The following RBM47 variants were observed in gnomAD, a reference collection of about 807,000 sequenced individuals.
RBM47 encodes RNA binding motif protein 47, also known as RNA-binding protein 47.
A neutral mutation model predicts 47.1 loss-of-function variants in RBM47; 21 were observed. The ratio of observed to expected loss-of-function variants is 0.45; its 90% CI spans 0.32 to 0.64. The LOEUF (loss-of-function observed/expected upper bound fraction) is 0.64. Ranked by LOEUF, RBM47 falls within the 30% of genes least tolerant of loss-of-function variation. RBM47 has a pLI of 0.05. For missense variants in RBM47, 708 were observed against 870.9 expected, an observed-to-expected ratio of 0.81 and a Z score of 2.35; for synonymous variants, 375 against 361.7, an observed-to-expected ratio of 1.04 and a Z score of -0.42.
rs554142761 is a variant in RBM47 at position 40,593,646 on chromosome 4, T to C, written c.-240+35750A>G. ...CTGTAATCCCAGCACTTTGGGAGGC[T>C]GAGGCGGGTGGATCACGAGGTCAGG... On this transcript the variant is annotated intron_variant, in intron 1 of 6. Coordinates refer to ENST00000295971, the MANE Select transcript of RBM47 (RefSeq NM_001098634.2). Among the ~76,000 whole-genome samples the C allele has an allele frequency of 1.9e-3, 294 of 152,032 alleles. 2 individuals carry two copies. Among genetic ancestry groups the C allele is most frequent in the African/African-American group, 6.7e-3 (279 of 41,520 alleles).
chr4:40,444,620 CT>C (rs1714218455), intron 3 of RBM47, among the ~76,000 whole-genome samples: 1 of 151,616 alleles, frequency 6.6e-6, no homozygotes, highest in South Asian at 2.1e-4. Flanking sequence ...AATAGTTTTC[CT>C]ATGCTGAATG....
At position 40,540,760 on chromosome 4, in the gene RBM47, T is replaced by G. The variant is rs971972233; in HGVS notation, c.-155+3662A>C. Among the ~76,000 whole-genome samples, 38 of 149,832 alleles carry G rather than the reference T, an allele frequency of 2.5e-4. 1 individual carries two copies. Among genetic ancestry groups the G allele is most frequent in the African/African-American group, 8.7e-4 (36 of 41,252 alleles). ...GGTTTTTTTCTCCTTCAGTTGGGTT[T>G]TTTAATTTATATATTTTATTTATTT... On this transcript the variant is annotated intron_variant, in intron 2 of 6. Coordinates refer to ENST00000295971, the MANE Select transcript of RBM47 (RefSeq NM_001098634.2).
intron 1 of RBM47, among the ~76,000 whole-genome samples, chr4:40,605,369 G>A (rs1443373987): frequency 2.6e-5 from 4 of 152,170 alleles, no homozygotes; most frequent in African/African-American, 9.6e-5. Flanking sequence ...CTCTGGGGCT[G>A]GAGCACAGAC....
chr4:40,431,626 C>G (rs1363910936), intron 6 of RBM47, among the ~76,000 whole-genome samples: 3 of 149,598 alleles, frequency 2.0e-5, no homozygotes, highest in African/African-American at 4.9e-5. Flanking sequence ...CCACTGCGCT[C>G]CAGCCTGGGC....
chr4:40,524,571 C>T (rs1165881802), intron 2 of RBM47, among the ~76,000 whole-genome samples: 4 of 152,198 alleles, frequency 2.6e-5, no homozygotes, highest in Non-Finnish European at 5.9e-5. Context: ...CTAACCAGAA[C>T]TGGAATTGGC....
At chr4:40,455,888 A>G (rs772152571) in intron 3 of RBM47, among the ~76,000 whole-genome samples, 2 of 152,222 alleles carry the variant, frequency 1.3e-5, no homozygotes, top group Non-Finnish European at 2.9e-5. Flanking sequence ...CTGTGTAGTC[A>G]CAGTTTAGAG....
intron 2 of RBM47, among the ~76,000 whole-genome samples, chr4:40,481,311 C>T (rs1198026385): frequency 7.0e-6 from 1 of 143,504 alleles, no homozygotes; most frequent in African/African-American, 2.6e-5. Context: ...CTCACTCTGT[C>T]ACCCAGGCTG....
At chr4:40,589,629 G>A (rs1425400562) in intron 1 of RBM47, among the ~76,000 whole-genome samples, 1 of 151,988 alleles carries the variant, frequency 6.6e-6, no homozygotes, top group Non-Finnish European at 1.5e-5. Flanking sequence ...AGTAGAGACG[G>A]GGTTTCACCA....
chr4:40,575,759 C>T (rs1372506093), intron 1 of RBM47, among the ~76,000 whole-genome samples: 1 of 152,158 alleles, frequency 6.6e-6, no homozygotes, highest in Non-Finnish European at 1.5e-5. Context: ...ACAAATGAAG[C>T]CATTCTGTCC....
intron 3 of RBM47, among the ~76,000 whole-genome samples, chr4:40,454,269 C>T (rs1715888135): frequency 2.0e-5 from 3 of 152,200 alleles, no homozygotes; most frequent in African/African-American, 7.2e-5. Flanking sequence ...CCTAGCTCTT[C>T]AGCTGTGTAG....
At chr4:40,583,137 G>A (rs1051208412) in intron 1 of RBM47, among the ~76,000 whole-genome samples, 1 of 152,014 alleles carries the variant, frequency 6.6e-6, no homozygotes. Flanking sequence ...CAAAAGCAAG[G>A]TCAGGCCGGC....
At chr4:40,534,608 A>G (rs1727738951) in intron 2 of RBM47, among the ~76,000 whole-genome samples, 1 of 152,050 alleles carries the variant, frequency 6.6e-6, no homozygotes, top group Admixed American at 6.6e-5. Context: ...TTTTCTGAGA[A>G]TCCCTTGGCC....
intron 1 of RBM47, among the ~76,000 whole-genome samples, chr4:40,599,554 G>A (rs182752370): frequency 1.3e-5 from 2 of 152,052 alleles, no homozygotes; most frequent in Admixed American, 1.3e-4. Flanking sequence ...CCCAGGCCTG[G>A]TAGCTTTGCT....
At chr4:40,576,288 C>T (rs1363970944) in intron 1 of RBM47, among the ~76,000 whole-genome samples, 1 of 143,134 alleles carries the variant, frequency 7.0e-6, no homozygotes, top group Non-Finnish European at 1.5e-5. Context: ...CTCCCCCTGT[C>T]ACCCACAATC....
intron 1 of RBM47, among the ~76,000 whole-genome samples, chr4:40,592,103 C>T (rs934559617): frequency 6.6e-6 from 1 of 152,150 alleles, no homozygotes; most frequent in African/African-American, 2.4e-5. Context: ...AGAAGTCCAC[C>T]ATTTCCCATT....
At chr4:40,605,509 T>C (rs1560501356) in intron 1 of RBM47, among the ~76,000 whole-genome samples, 1 of 152,098 alleles carries the variant, frequency 6.6e-6, no homozygotes, top group Non-Finnish European at 1.5e-5. Flanking sequence ...TTTTCAAGGT[T>C]TGGATAATTT....
intron 2 of RBM47, among the ~76,000 whole-genome samples, chr4:40,516,237 G>A (rs567005016): frequency 1.8e-4 from 27 of 150,898 alleles, no homozygotes; most frequent in Admixed American, 1.1e-3. Context: ...GGGGGAGGGC[G>A]ATGATTCTCT....
chr4:40,586,774 G>C (rs2154273648), intron 1 of RBM47, among the ~76,000 whole-genome samples: 1 of 151,948 alleles, frequency 6.6e-6, no homozygotes, highest in East Asian at 1.9e-4. Flanking sequence ...TCTCCATTGT[G>C]AACTTTCATG....
At chr4:40,588,500 G>C (rs1733807776) in intron 1 of RBM47, among the ~76,000 whole-genome samples, 1 of 152,192 alleles carries the variant, frequency 6.6e-6, no homozygotes, top group African/African-American at 2.4e-5. Flanking sequence ...TTACTCTCTT[G>C]AAAACACGAA....
Sources: allele counts gnomAD v4.1 joint callset (sites outside exome capture counted in the v4.1 genomes callset), GRCh38; gene constraint gnomAD v4.1.1; transcripts MANE v1.5; gene names NCBI Gene and HGNC (gene_info 2026-07-23, HGNC 2026-07-21).